KCNT2: variants seen among roughly 807,000 people sequenced by gnomAD.
The protein encoded by KCNT2 is potassium channel subfamily T member 2.
In KCNT2, 67 loss-of-function variants were observed where a neutral mutation model predicts 153.8. That is an observed-to-expected ratio of 0.44 (90% CI 0.36 to 0.53). KCNT2 has a LOEUF of 0.53. Ranked by LOEUF, KCNT2 falls within the 20% of genes least tolerant of loss-of-function variation. The probability of loss-of-function intolerance (pLI) is 0.00; values close to 1 mark genes in which losing one functional copy is unlikely to be tolerated. For missense variants in KCNT2, 975 were observed against 1,354.8 expected, an observed-to-expected ratio of 0.72 and a Z score of 4.40; for synonymous variants, 500 against 458.8, an observed-to-expected ratio of 1.09 and a Z score of -1.15.
At chr1:196,282,431 A>G (rs994397667) in intron 23 of KCNT2, 75 bp from the exon 24 acceptor site, 7 of 704,404 alleles carry the variant, frequency 9.9e-6, no homozygotes, top group African/African-American at 9.2e-5. Context: ...AGAACAGCTA[A>G]AAGTGTGAAC....
chr1:196,234,465 G>A (rs1407142212), intron 27 of KCNT2, among the ~76,000 whole-genome samples: 5 of 150,918 alleles, frequency 3.3e-5, no homozygotes, highest in Non-Finnish European at 7.4e-5. Flanking sequence ...ATTTACATAG[G>A]GGCTTGCCTT....
chr1:196,456,900 C>T (rs906313991), intron 8 of KCNT2, among the ~76,000 whole-genome samples: 17 of 151,916 alleles, frequency 1.1e-4, no homozygotes, highest in Non-Finnish European at 2.1e-4. Flanking sequence ...CCAAAGAATA[C>T]ATATTAGTGT....
chr1:196,456,094 A>T (rs970341809), intron 8 of KCNT2, among the ~76,000 whole-genome samples: 15 of 151,960 alleles, frequency 9.9e-5, no homozygotes, highest in African/African-American at 3.6e-4. Flanking sequence ...AAAATATCCC[A>T]ACTGCTTCCT....
intron 20 of KCNT2, among the ~76,000 whole-genome samples, chr1:196,318,854 G>T (rs1229905947): frequency 6.6e-6 from 1 of 151,590 alleles, no homozygotes; most frequent in Non-Finnish European, 1.5e-5. Flanking sequence ...GAAGGCTCTG[G>T]CTGACATTTT....
intron 14 of KCNT2, among the ~76,000 whole-genome samples, chr1:196,366,165 T>A (rs965988370): frequency 1.4e-5 from 2 of 142,872 alleles, no homozygotes; most frequent in African/African-American, 5.2e-5. Flanking sequence ...TTAATTATTA[T>A]TTTTTTTTTT....
chr1:196,345,542 C>T (rs1666070687), intron 14 of KCNT2, among the ~76,000 whole-genome samples: 1 of 152,076 alleles, frequency 6.6e-6, no homozygotes, highest in South Asian at 2.1e-4. Context: ...TGGCTTTGAC[C>T]TTTCATTGGG....
chr1:196,599,338 G>A (rs906286221), intron 1 of KCNT2, among the ~76,000 whole-genome samples: 1 of 152,204 alleles, frequency 6.6e-6, no homozygotes, highest in Non-Finnish European at 1.5e-5. Context: ...TTTACAAGAT[G>A]GCTAAGTGTG....
intron 13 of KCNT2, among the ~76,000 whole-genome samples, chr1:196,383,762 A>T (rs1669709314): frequency 6.6e-6 from 1 of 152,188 alleles, no homozygotes; most frequent in African/African-American, 2.4e-5. Flanking sequence ...ATGTAACCCC[A>T]GCACTTGCAG....
chr1:196,378,753 A>G (rs1005926669), intron 13 of KCNT2, among the ~76,000 whole-genome samples: 7 of 148,102 alleles, frequency 4.7e-5, no homozygotes, highest in African/African-American at 1.5e-4. Flanking sequence ...ATATAATACA[A>G]TATGTAATAT....
intron 1 of KCNT2, among the ~76,000 whole-genome samples, chr1:196,583,436 T>G (rs1028139646): frequency 1.3e-5 from 2 of 152,094 alleles, no homozygotes; most frequent in African/African-American, 4.8e-5. Flanking sequence ...GCAGTCTATA[T>G]AGTTTTAGAG....
At chr1:196,418,072 C>T (rs1397822148) in intron 12 of KCNT2, among the ~76,000 whole-genome samples, 1 of 152,022 alleles carries the variant, frequency 6.6e-6, no homozygotes, top group African/African-American at 2.4e-5. Flanking sequence ...ATTATATTTC[C>T]AATCTTGAAT....
intron 27 of KCNT2, among the ~76,000 whole-genome samples, chr1:196,233,226 A>T (rs1393092718): frequency 6.6e-6 from 1 of 151,476 alleles, no homozygotes; most frequent in Non-Finnish European, 1.5e-5. Context: ...GTGACTTAAG[A>T]ATTCTACTAG....
chr1:196,392,487 A>G (rs1480208816), intron 13 of KCNT2, among the ~76,000 whole-genome samples: 1 of 151,518 alleles, frequency 6.6e-6, no homozygotes, highest in Admixed American at 6.6e-5. Context: ...AATGATGTCT[A>G]TGTGGGTGTT....
intron 22 of KCNT2, among the ~76,000 whole-genome samples, chr1:196,293,190 T>C (rs1333904728): frequency 2.0e-5 from 3 of 152,192 alleles, no homozygotes; most frequent in Non-Finnish European, 2.9e-5. Flanking sequence ...AAAATATCCA[T>C]ACTATTCAAA....
At chr1:196,562,322 T>A (rs933905236) in intron 1 of KCNT2, among the ~76,000 whole-genome samples, 5 of 151,998 alleles carry the variant, frequency 3.3e-5, no homozygotes, top group African/African-American at 1.2e-4. Context: ...AAGATCTCTG[T>A]TTTAATGTTA....
At chr1:196,525,884 A>AGACATATACATATACATAT in intron 1 of KCNT2, among the ~76,000 whole-genome samples, 1 of 151,978 alleles carries the variant, frequency 6.6e-6, no homozygotes, top group Non-Finnish European at 1.5e-5. Flanking sequence ...ATATACATAA[A>AGACATATACATATACATAT]ACAAGGTTAT....
intron 8 of KCNT2, among the ~76,000 whole-genome samples, chr1:196,433,073 T>C (rs1387374679): frequency 1.3e-5 from 2 of 152,214 alleles, no homozygotes; most frequent in Admixed American, 1.3e-4. Flanking sequence ...GAGAACCAGC[T>C]GGGCTGTTTT....
At chr1:196,504,693 T>A (rs1026037968) in intron 1 of KCNT2, among the ~76,000 whole-genome samples, 6 of 152,194 alleles carry the variant, frequency 3.9e-5, no homozygotes, top group African/African-American at 1.4e-4. Flanking sequence ...TAGTTTATAG[T>A]CCCACCAACA....
intron 23 of KCNT2, among the ~76,000 whole-genome samples, chr1:196,283,180 A>T (rs1363544458): frequency 1.3e-5 from 2 of 152,206 alleles, no homozygotes; most frequent in Non-Finnish European, 2.9e-5. Context: ...GAGGTGGCTC[A>T]TGCCTGTAAT....
Sources: allele counts gnomAD v4.1 joint callset (sites outside exome capture counted in the v4.1 genomes callset), GRCh38; gene constraint gnomAD v4.1.1; transcripts MANE v1.5; gene names NCBI Gene and HGNC (gene_info 2026-07-23, HGNC 2026-07-21).